Variants in KIFAP3 observed in about 807,000 individuals in gnomAD.
KIFAP3 encodes the protein kinesin associated protein 3, also known as kinesin-associated protein 3.
In KIFAP3, 68 loss-of-function variants were observed where a neutral mutation model predicts 106.5. The observed-to-expected ratio is 0.64, with a 90% confidence interval of 0.53 to 0.78. The LOEUF is 0.78. KIFAP3 is among the 30% of genes least tolerant of loss of function. The pLI, the probability that KIFAP3 is intolerant of heterozygous loss-of-function variation, is 0.00. For synonymous variants in KIFAP3, 320 were observed against 311.5 expected (o/e 1.03, Z -0.29); for missense variants, 780 against 941.8 (o/e 0.83, Z 2.25).
At chr1:169,978,952 T>C (rs927265909) in intron 15 of KIFAP3, among the ~76,000 whole-genome samples, 2 of 152,096 alleles carry the variant, frequency 1.3e-5, no homozygotes, top group Non-Finnish European at 2.9e-5. Context: ...TTGGGCTAAA[T>C]TTCTCACTAT....
intron 15 of KIFAP3, 109 bp downstream of exon 15, chr1:169,981,863 C>A (rs999497662): frequency 2.3e-6 from 2 of 863,518 alleles, no homozygotes; most frequent in African/African-American, 3.5e-5. Flanking sequence ...TGCTATGAAA[C>A]AATTAATGTA....
At chr1:169,985,981 T>C (rs1666808921) in intron 11 of KIFAP3, among the ~76,000 whole-genome samples, 1 of 151,872 alleles carries the variant, frequency 6.6e-6, no homozygotes, top group Non-Finnish European at 1.5e-5. Flanking sequence ...ACTTAGTGTA[T>C]AGTACATAAA....
intron 19 of KIFAP3, among the ~76,000 whole-genome samples, chr1:169,948,426 T>C (rs1664555313): frequency 6.6e-6 from 1 of 151,652 alleles, no homozygotes; most frequent in Non-Finnish European, 1.5e-5. Context: ...TCATCTTTGG[T>C]AAAAAAAAGT....
Position 170,021,147 on chromosome 1 carries a change from C to T in KIFAP3, c.1020+3271G>A, listed in dbSNP as rs1668793834. On this transcript the variant is annotated intron_variant, in intron 9 of 19. Transcript: ENST00000361580. The stretch of plus-strand genomic sequence containing the variant: ...GTTAGCAGTAAGAAAATTAAGCAAA[C>T]TACGCAACATATATCCTCTCTGTTG... Among the ~76,000 whole-genome samples, 3 of 152,098 alleles carry T rather than the reference C, an allele frequency of 2.0e-5. No homozygotes were observed. The South Asian group carries it at 6.2e-4, about 31-fold the overall frequency.
At chr1:170,075,693 A>G (rs1238524732), upstream of KIFAP3, among the ~76,000 whole-genome samples, 2 of 152,182 alleles carry the variant, frequency 1.3e-5, no homozygotes, top group Non-Finnish European at 2.9e-5. Context: ...ATTTCTGTAG[A>G]TGTTATAGTC....
chr1:169,926,478 C>G (rs377129399), intron 19 of KIFAP3, among the ~76,000 whole-genome samples: 155 of 152,230 alleles, frequency 1.0e-3, no homozygotes, highest in African/African-American at 3.6e-3. Flanking sequence ...TGACTTTACA[C>G]TATTGTAGGC....
chr1:170,079,457 G>A (rs563028733), upstream of KIFAP3, among the ~76,000 whole-genome samples: 1 of 152,052 alleles, frequency 6.6e-6, no homozygotes, highest in African/African-American at 2.4e-5. Context: ...CAATATAAAG[G>A]TAAAAAATCA....
intron 19 of KIFAP3, among the ~76,000 whole-genome samples, chr1:169,937,756 A>G (rs1418289918): frequency 6.6e-6 from 1 of 151,794 alleles, no homozygotes; most frequent in Non-Finnish European, 1.5e-5. Flanking sequence ...AAGTTACACC[A>G]TCCTCTAAAG....
intron 3 of KIFAP3, among the ~76,000 whole-genome samples, chr1:170,040,958 T>C (rs180981405): frequency 6.6e-6 from 1 of 152,146 alleles, no homozygotes; most frequent in Non-Finnish European, 1.5e-5. Context: ...CCTGAGTAGC[T>C]GGGATCACAG....
intron 18 of KIFAP3, among the ~76,000 whole-genome samples, chr1:169,954,319 T>C (rs1256007682): frequency 6.6e-6 from 1 of 152,190 alleles, no homozygotes; most frequent in African/African-American, 2.4e-5. Context: ...TGAACATTCA[T>C]TGAGCATCTA....
chr1:169,935,820 A>T (rs1663768281), intron 19 of KIFAP3, among the ~76,000 whole-genome samples: 1 of 152,006 alleles, frequency 6.6e-6, no homozygotes, highest in Non-Finnish European at 1.5e-5. Context: ...ATTACGTTTA[A>T]ATACAAAACA....
At chr1:170,004,201 A>G (rs988947806) in intron 10 of KIFAP3, among the ~76,000 whole-genome samples, 21 of 151,080 alleles carry the variant, frequency 1.4e-4, no homozygotes, top group Middle Eastern at 3.2e-3. Context: ...TCAGTGAAAT[A>G]AAAGAGGATA....
chr1:170,041,595 G>A, intron 3 of KIFAP3: 1 of 1,084,578 alleles, frequency 9.2e-7, no homozygotes. Context: ...CAGAGGCCCG[G>A]AGATGAGTCC....
intron 9 of KIFAP3, among the ~76,000 whole-genome samples, chr1:170,019,790 G>A (rs765122886): frequency 4.6e-5 from 7 of 152,084 alleles, no homozygotes; most frequent in South Asian, 2.1e-4. Context: ...AGGGATAGCC[G>A]CTCACACGAT....
At chr1:170,055,647 C>A (rs12138083) in intron 1 of KIFAP3, among the ~76,000 whole-genome samples, 1 of 151,786 alleles carries the variant, frequency 6.6e-6, no homozygotes, top group Non-Finnish European at 1.5e-5. Flanking sequence ...TAAATGTATA[C>A]ATATAACTTT....
chr1:169,990,551 A>G (rs556846564), intron 11 of KIFAP3, among the ~76,000 whole-genome samples: 1 of 152,294 alleles, frequency 6.6e-6, no homozygotes, highest in Admixed American at 6.5e-5. Flanking sequence ...TATAAAAAAT[A>G]ATGTAATATT....
chr1:170,063,049 C>G (rs548299499), intron 1 of KIFAP3, among the ~76,000 whole-genome samples: 1 of 152,218 alleles, frequency 6.6e-6, no homozygotes, highest in East Asian at 1.9e-4. Context: ...ATAACAATCC[C>G]TTCCCAAAAC....
At chr1:169,963,150 T>C (rs1665423968) in intron 17 of KIFAP3, among the ~76,000 whole-genome samples, 1 of 152,154 alleles carries the variant, frequency 6.6e-6, no homozygotes, top group Non-Finnish European at 1.5e-5. Flanking sequence ...CCCTTCTTTG[T>C]GTTCATGTGT....
Position 170,074,527 on chromosome 1 carries a change from T to C in KIFAP3, c.-60A>G. The C allele has an allele frequency of 6.2e-7, 1 of 1,611,356 alleles. No individual in the cohort carries two copies. The highest frequency in any genetic ancestry group is 8.5e-7 in the Non-Finnish European group (1 of 1,178,936). ...ATCTTGAGAGGCAGGCGCGGTTATT[T>C]CCGGGGACGGTGGCCAAAGTACCCT... On this transcript the variant is annotated 5_prime_UTR_variant, in exon 1 of 20. Coordinates refer to ENST00000361580, the MANE Select transcript of KIFAP3 (RefSeq NM_014970.4).
Sources: allele counts gnomAD v4.1 joint callset (sites outside exome capture counted in the v4.1 genomes callset), GRCh38; gene constraint gnomAD v4.1.1; transcripts MANE v1.5; gene names NCBI Gene and HGNC (gene_info 2026-07-23, HGNC 2026-07-21).